The following MORC4 variants were observed in gnomAD, a reference collection of about 807,000 sequenced individuals.
The protein encoded by MORC4 is MORC family CW-type zinc finger 4.
MORC4 carries 22 observed loss-of-function variants against 65.5 expected under a neutral mutation model. That is an observed-to-expected ratio of 0.34 (90% CI 0.24 to 0.48). The LOEUF is 0.48. MORC4 is among the 20% of genes least tolerant of loss of function. MORC4 has a pLI of 0.99. For missense variants in MORC4, 624 were observed against 703.0 expected, an observed-to-expected ratio of 0.89 and a Z score of 1.27; for synonymous variants, 267 against 255.8, an observed-to-expected ratio of 1.04 and a Z score of -0.42.
chrX:106,977,662 C>T (rs1424374411), intron 8 of MORC4, among the ~76,000 whole-genome samples: 1 of 111,236 alleles, frequency 9.0e-6, no homozygotes, highest in Admixed American at 9.6e-5. Flanking sequence ...AACAATTTAT[C>T]CAAGGTTACA....
chrX:106,988,941 G>A (rs754543556), intron 3 of MORC4, among the ~76,000 whole-genome samples: 3 of 111,762 alleles, frequency 2.7e-5, no homozygotes, highest in African/African-American at 9.8e-5. Flanking sequence ...AAACCTTCAC[G>A]TGTACCTCCA....
At position 106,941,371 on chromosome X, in the gene MORC4, TGAGAGA is replaced by T. The variant is rs58310740; in HGVS notation, c.*102_*107del. The T allele has an allele frequency of 0.092, 33,988 of 370,208 alleles. 659 individuals carry two copies. Among genetic ancestry groups the T allele is most frequent in the African/African-American group, 0.18 (5,274 of 29,950 alleles). The allele number at this position is 370,208 out of a possible 1,213,427, so 30.5% of individuals were successfully genotyped here. On this transcript the variant is annotated 3_prime_UTR_variant, in exon 17 of 17. Coordinates refer to ENST00000355610, the MANE Select transcript of MORC4 (RefSeq NM_024657.5). ...TCTATATAAGGCATAAAGGTGAGGG[TGAGAGA>T]GAGAGAGAGAGAGAGAGAGAGAGAG...
chrX:106,971,576 C>T lies in MORC4; in HGVS notation c.1157+5008G>A, dbSNP rs374805217. On this transcript the variant is annotated intron_variant, in intron 9 of 16. Coordinates refer to ENST00000355610, the MANE Select transcript of MORC4 (RefSeq NM_024657.5). ...TTTTGTAAACTATCCATCTGACAAA[C>T]GGCTAATATCCAGAATCTACAAAGA... is the stretch of plus-strand genomic sequence containing the variant. Among the ~76,000 whole-genome samples, 62 of 112,061 alleles carry T rather than the reference C, an allele frequency of 5.5e-4. 1 individual carries two copies. Among genetic ancestry groups the T allele is most frequent in the African/African-American group, 1.7e-3 (53 of 30,840 alleles).
At chrX:106,955,189 A>G (rs760185637) in intron 13 of MORC4, 101 bp from the exon 14 acceptor site, 42 of 599,122 alleles carry the variant, frequency 7.0e-5, no homozygotes, top group Non-Finnish European at 9.5e-5. Context: ...TTGGCCAAAT[A>G]AAAAGAAACT....
intron 5 of MORC4, among the ~76,000 whole-genome samples, chrX:106,981,902 C>T (rs1006639382): frequency 3.6e-5 from 4 of 112,020 alleles, no homozygotes; most frequent in African/African-American, 1.3e-4. Flanking sequence ...ACTAATAAGA[C>T]ACTAAGATCT....
chrX:106,978,769 A>AT (rs1281285543), intron 7 of MORC4, among the ~76,000 whole-genome samples: 1 of 111,719 alleles, frequency 9.0e-6, no homozygotes, highest in Non-Finnish European at 1.9e-5. Context: ...ATAGGTTCTG[A>AT]TAAGAGCTGT....
intron 5 of MORC4, among the ~76,000 whole-genome samples, chrX:106,982,110 A>G (rs957567941): frequency 1.8e-5 from 2 of 111,576 alleles, no homozygotes; most frequent in African/African-American, 6.5e-5. Context: ...ACCCTGAGCT[A>G]TATCACTAAC....
chrX:106,972,594 T>A (rs1934544794), intron 9 of MORC4, among the ~76,000 whole-genome samples: 1 of 111,577 alleles, frequency 9.0e-6, no homozygotes, highest in Non-Finnish European at 1.9e-5. Context: ...TGAATATACA[T>A]GACACGCATG....
intron 14 of MORC4, among the ~76,000 whole-genome samples, chrX:106,947,359 G>C (rs1157436405): frequency 9.3e-6 from 1 of 107,723 alleles, no homozygotes; most frequent in African/African-American, 3.4e-5. Context: ...GTCAGGTCTG[G>C]TTGGTTCAGA....
chrX:106,956,575 C>G (rs992659700), intron 12 of MORC4, 41 bp from the exon 13 acceptor site: 1 of 1,054,234 alleles, frequency 9.5e-7, no homozygotes, highest in East Asian at 3.0e-5. Context: ...ACTCATGAAA[C>G]TTCTCAGTTT....
chrX:106,963,811 G>C (rs1035937884), intron 9 of MORC4, among the ~76,000 whole-genome samples: 2 of 110,289 alleles, frequency 1.8e-5, no homozygotes, highest in African/African-American at 6.6e-5. Flanking sequence ...GAGAAAAGAA[G>C]TGAAAAGACT....
At chrX:106,967,888 C>T (rs185299347) in intron 9 of MORC4, among the ~76,000 whole-genome samples, 27 of 112,147 alleles carry the variant, frequency 2.4e-4, no homozygotes, top group East Asian at 1.1e-3. Context: ...TTAGAAAACA[C>T]TCTTCAGGAT....
intron 3 of MORC4, among the ~76,000 whole-genome samples, chrX:106,987,307 A>G (rs973505612): frequency 8.9e-6 from 1 of 111,878 alleles, no homozygotes; most frequent in Non-Finnish European, 1.9e-5. Context: ...ATGCATGTAT[A>G]AAGTACTCAC....
chrX:106,962,452 A>G (rs1934272549), intron 9 of MORC4, among the ~76,000 whole-genome samples: 1 of 112,347 alleles, frequency 8.9e-6, no homozygotes, highest in African/African-American at 3.2e-5. Flanking sequence ...CAGAGATAGG[A>G]TAGAGCCAAA....
At position 106,999,859 on chromosome X, in the gene MORC4, C is replaced by G; in HGVS notation, c.102+9G>C. On this transcript the variant is annotated intron_variant, in intron 1 of 16. Coordinates refer to ENST00000355610, the MANE Select transcript of MORC4 (RefSeq NM_024657.5). Reference sequence around the variant, plus strand: ...CGCGCGCGTCCGCCCCCTCGGGCCCCGGACCTACCGTGCTCAGGCGGATCC... The same window carrying G: ...CGCGCGCGTCCGCCCCCTCGGGCCCGGGACCTACCGTGCTCAGGCGGATCC... 4.8e-6 allele frequency: 4 copies of G among 841,282 alleles called. No individual in the cohort carries two copies. The Admixed American group carries it at 2.1e-4, about 45-fold the overall frequency. 69.3% of individuals were successfully genotyped at this position (841,282 alleles called of 1,213,427 possible).
At chrX:106,968,345 C>A (rs1034068308) in intron 9 of MORC4, among the ~76,000 whole-genome samples, 2 of 110,905 alleles carry the variant, frequency 1.8e-5, no homozygotes, top group African/African-American at 6.6e-5. Flanking sequence ...ACAACTGGTA[C>A]CAGCCACTGC....
intron 8 of MORC4, 107 bp from the exon 9 acceptor site, chrX:106,976,791 A>C: frequency 2.0e-6 from 1 of 501,580 alleles, no homozygotes; most frequent in Admixed American, 2.8e-5. Context: ...CTTCATGGGC[A>C]AGAAAAGACC....
intron 2 of MORC4, among the ~76,000 whole-genome samples, chrX:106,994,848 G>A (rs926450178): frequency 1.4e-4 from 15 of 109,615 alleles, no homozygotes; most frequent in African/African-American, 5.0e-4. Flanking sequence ...CCACTTTTTT[G>A]TGTTTTTATT....
At chrX:106,976,709 C>T (rs1432987550) in intron 8 of MORC4, 25 bp from the exon 9 acceptor site, 3 of 1,076,288 alleles carry the variant, frequency 2.8e-6, no homozygotes, top group Admixed American at 2.2e-5. Context: ...TTAATTTCAA[C>T]ACTTACATTA....
Sources: gnomAD v4.1 joint callset for allele counts (sites outside exome capture counted in the v4.1 genomes callset) on GRCh38, gnomAD v4.1.1 for gene constraint, MANE v1.5 for transcripts, NCBI Gene and HGNC (gene_info 2026-07-23, HGNC 2026-07-21) for gene names.